The following DIS3L2 variants were observed in gnomAD, a reference collection of about 807,000 sequenced individuals.
DIS3L2 encodes DIS3-like exonuclease 2.
DIS3L2 carries 34 observed loss-of-function variants against 97.5 expected under a neutral mutation model. The ratio of observed to expected loss-of-function variants is 0.35; its 90% CI spans 0.27 to 0.46. The LOEUF is 0.46. Ranked by LOEUF, DIS3L2 falls within the 20% of genes least tolerant of loss-of-function variation. The pLI is 1.00. For synonymous variants in DIS3L2, 435 were observed against 445.2 expected (o/e 0.98, Z 0.29); for missense variants, 1,038 against 1,146.0 (o/e 0.91, Z 1.36).
Position 232,140,887 on chromosome 2 carries a change from C to T in DIS3L2, c.950+4168C>T, listed in dbSNP as rs562485754. ...TTGTTCACCTCTCTATACATCACAT[C>T]GCCCACATTTTTATGAATCTTGTTC... On this transcript the variant is annotated intron_variant, in intron 8 of 20. Transcript: ENST00000325385. Among the ~76,000 whole-genome samples the T allele has an allele frequency of 1.5e-3, 231 of 152,286 alleles. 2 individuals are homozygous for T. Among genetic ancestry groups the T allele is most frequent in the African/African-American group, 5.2e-3 (218 of 41,562 alleles).
intron 5 of DIS3L2, among the ~76,000 whole-genome samples, chr2:232,063,235 C>T (rs1441768902): frequency 6.6e-6 from 1 of 152,100 alleles, no homozygotes; most frequent in African/African-American, 2.4e-5. Flanking sequence ...ATGTAAAGTC[C>T]TATAGCCAGT....
intron 5 of DIS3L2, among the ~76,000 whole-genome samples, chr2:232,033,454 AC>A (rs1250136873): frequency 6.6e-6 from 1 of 152,064 alleles, no homozygotes; most frequent in Non-Finnish European, 1.5e-5. Flanking sequence ...CTGTTTGAAT[AC>A]CCTTTATTTC....
intron 6 of DIS3L2, among the ~76,000 whole-genome samples, chr2:232,126,468 T>C (rs1364312890): frequency 6.6e-6 from 1 of 152,232 alleles, no homozygotes; most frequent in Admixed American, 6.5e-5. Flanking sequence ...GAAAACACCC[T>C]TGACCTCTGG....
intron 9 of DIS3L2, among the ~76,000 whole-genome samples, chr2:232,167,739 G>GATA (rs1690866944): frequency 6.6e-6 from 1 of 152,114 alleles, no homozygotes; most frequent in Non-Finnish European, 1.5e-5. Context: ...CTCTTTAGTT[G>GATA]TTATCTTTAA....
chr2:232,072,616 A>G (rs970216651), intron 5 of DIS3L2, among the ~76,000 whole-genome samples: 25 of 152,172 alleles, frequency 1.6e-4, no homozygotes, highest in African/African-American at 5.6e-4. Context: ...TATGTTTCAT[A>G]GGCTCACTCT....
intron 12 of DIS3L2, among the ~76,000 whole-genome samples, chr2:232,260,840 G>A (rs2106278047): frequency 6.6e-6 from 1 of 152,292 alleles, no homozygotes; most frequent in South Asian, 2.1e-4. Flanking sequence ...GGTGTGAACA[G>A]CACCTGGGCT....
At chr2:232,160,367 A>G (rs1163576047) in intron 8 of DIS3L2, among the ~76,000 whole-genome samples, 1 of 152,208 alleles carries the variant, frequency 6.6e-6, no homozygotes, top group East Asian at 1.9e-4. Flanking sequence ...TAATTATCCT[A>G]GGCAGTTTGC....
chr2:232,221,056 C>G (rs962716984), intron 10 of DIS3L2, among the ~76,000 whole-genome samples: 1 of 137,174 alleles, frequency 7.3e-6, no homozygotes, highest in Non-Finnish European at 1.5e-5. Flanking sequence ...GAGCCAAGAT[C>G]GTGCCACTGT....
At position 232,329,899 on chromosome 2, in the gene DIS3L2, G is replaced by A. The variant is rs774228906; in HGVS notation, c.1826G>A (p.Arg609Gln). 78 of 1,610,816 alleles carry A rather than the reference G, an allele frequency of 4.8e-5. No homozygotes were observed. Among genetic ancestry groups the A allele is most frequent in the Non-Finnish European group, 6.4e-5 (76 of 1,178,942 alleles). Residue 609 changes from arginine to glutamine, a missense_variant, in exon 15 of 21, where the codon CGG becomes CAG. Physicochemically the swap from Arg to Gln is conservative, Grantham distance 43. Coordinates refer to ENST00000325385, the MANE Select transcript of DIS3L2 (RefSeq NM_152383.5). Reference sequence around the variant, plus strand: ...TTCCCCGAGCAGGCCCTGCTGCGCCGGCACCCCCCGCCCCAAACAAGGATG... The same window carrying A: ...TTCCCCGAGCAGGCCCTGCTGCGCCAGCACCCCCCGCCCCAAACAAGGATG... ...RAFPEQALLRRHPPPQTRMLS... is the reference protein window; with the variant it reads ...RAFPEQALLRQHPPPQTRMLS...
chr2:232,098,143 C>G (rs931603220), intron 6 of DIS3L2, among the ~76,000 whole-genome samples: 49 of 152,090 alleles, frequency 3.2e-4, no homozygotes, highest in Non-Finnish European at 1.3e-4. Context: ...TTCTAAGACC[C>G]AAATCCTATG....
intron 3 of DIS3L2, among the ~76,000 whole-genome samples, chr2:232,019,964 G>A (rs1041807112): frequency 1.3e-5 from 2 of 151,754 alleles, no homozygotes; most frequent in African/African-American, 4.8e-5. Context: ...TGATCTGTGG[G>A]TTATCTGAGA....
intron 16 of DIS3L2, 73 bp downstream of exon 16, chr2:232,330,849 C>T: frequency 7.1e-7 from 1 of 1,414,502 alleles, no homozygotes; most frequent in South Asian, 1.1e-5. Flanking sequence ...CCTCCACGTG[C>T]AAGCACAGGC....
chr2:232,247,366 A>G (rs983500002), intron 11 of DIS3L2, among the ~76,000 whole-genome samples: 1 of 152,122 alleles, frequency 6.6e-6, no homozygotes, highest in African/African-American at 2.4e-5. Context: ...TCCCATATCA[A>G]GGTGCTAGCC....
At chr2:232,044,040 T>C (rs867265027) in intron 5 of DIS3L2, among the ~76,000 whole-genome samples, 13 of 152,304 alleles carry the variant, frequency 8.5e-5, no homozygotes, top group South Asian at 2.1e-4. Flanking sequence ...TATTATTTTA[T>C]TTTTGAGCTT....
chr2:232,031,511 T>A (rs953014804), intron 5 of DIS3L2, among the ~76,000 whole-genome samples: 2 of 150,944 alleles, frequency 1.3e-5, no homozygotes, highest in African/African-American at 4.9e-5. Flanking sequence ...TTTTTTTTTT[T>A]ATATTATACC....
chr2:232,131,039 A>G (rs1448862629), intron 7 of DIS3L2: 4 of 271,420 alleles, frequency 1.5e-5, no homozygotes, highest in Middle Eastern at 1.1e-3. Flanking sequence ...GAGAATTTAG[A>G]CAGTGGAGAA....
intron 1 of DIS3L2, among the ~76,000 whole-genome samples, chr2:232,014,409 C>T (rs904202051): frequency 2.0e-5 from 3 of 152,178 alleles, no homozygotes; most frequent in Middle Eastern, 3.2e-3. Flanking sequence ...AGAGGTATAT[C>T]ATTTGTCCGG....
At chr2:232,284,175 G>C (rs773756387) in intron 13 of DIS3L2, among the ~76,000 whole-genome samples, 37 of 152,122 alleles carry the variant, frequency 2.4e-4, no homozygotes, top group Non-Finnish European at 4.7e-4. Flanking sequence ...CACAGTCAAA[G>C]TTGGCCTAGA....
At chr2:232,338,677 A>C (rs1696041441), downstream of DIS3L2, among the ~76,000 whole-genome samples, 1 of 151,388 alleles carries the variant, frequency 6.6e-6, no homozygotes, top group South Asian at 2.1e-4. Flanking sequence ...TTCTCCCCAC[A>C]CCAGTCACAC....
Sources: gnomAD v4.1 joint callset for allele counts (sites outside exome capture counted in the v4.1 genomes callset) on GRCh38, gnomAD v4.1.1 for gene constraint, MANE v1.5 for transcripts, NCBI Gene and HGNC (gene_info 2026-07-23, HGNC 2026-07-21) for gene names.